The following ANKH variants were observed in gnomAD, a reference collection of about 807,000 sequenced individuals.
ANKH encodes ANKH inorganic pyrophosphate transport regulator.
A neutral mutation model predicts 49.0 loss-of-function variants in ANKH; 15 were observed. The observed-to-expected ratio is 0.31, with a 90% CI of 0.20 to 0.47. The LOEUF (loss-of-function observed/expected upper bound fraction) is 0.47, where lower values mean the gene tolerates loss of function less well. ANKH is among the 20% of genes least tolerant of loss of function. ANKH has a pLI of 1.00. For missense variants in ANKH, 429 were observed against 652.0 expected (o/e 0.66, Z 3.72); for synonymous variants, 273 against 260.0 (o/e 1.05, Z -0.48).
intron 1 of ANKH, among the ~76,000 whole-genome samples, chr5:14,850,439 A>T (rs1742091213): frequency 6.6e-6 from 1 of 152,258 alleles, no homozygotes; most frequent in Non-Finnish European, 1.5e-5. Flanking sequence ...AGCAAACTGC[A>T]TTTGAAAGCT....
At chr5:14,820,260 A>G (rs1279990017) in intron 1 of ANKH, among the ~76,000 whole-genome samples, 1 of 152,194 alleles carries the variant, frequency 6.6e-6, no homozygotes, top group East Asian at 1.9e-4. Flanking sequence ...TTCATGAATG[A>G]GATGAAATAA....
At position 14,713,115 on chromosome 5, in the gene ANKH, C is replaced by T. The variant is rs145726810; in HGVS notation, c.1266-142G>A. 3.5e-4 allele frequency: 285 copies of T among 825,956 alleles called. 1 individual carries two copies. In the African/African-American group the frequency reaches 4.1e-3, roughly 12 times the overall value. 51.2% of individuals were successfully genotyped at this position (825,956 alleles called of 1,614,324 possible). ...CTCCATCTGCTGGCTTCGTAAGGGC[C>T]GCAGCTAATAACCTAATGTGTGAGG... On this transcript the variant is annotated intron_variant, in intron 10 of 11. Transcript: ENST00000284268. This position sits in a 1 kb window ranked among gnomAD's most constrained non-coding sequence, Gnocchi z 4.4.
chr5:14,738,677 C>G (rs932531363), intron 8 of ANKH, among the ~76,000 whole-genome samples: 1 of 151,796 alleles, frequency 6.6e-6, no homozygotes, highest in Non-Finnish European at 1.5e-5. Context: ...GCCTCTAATC[C>G]CAGCATTTTA....
At chr5:14,833,507 G>A (rs967320638) in intron 1 of ANKH, among the ~76,000 whole-genome samples, 2 of 152,252 alleles carry the variant, frequency 1.3e-5, no homozygotes, top group South Asian at 4.1e-4. Context: ...CGAGATTCTC[G>A]CCTGCTCCTC....
At chr5:14,769,281 G>T in intron 1 of ANKH, 90 bp from the exon 2 acceptor site, 3 of 1,112,730 alleles carry the variant, frequency 2.7e-6, no homozygotes, top group Non-Finnish European at 4.0e-6. Flanking sequence ...AGCAGATCAC[G>T]TTTCTATAGA....
At chr5:14,819,347 T>C (rs143950791) in intron 1 of ANKH, among the ~76,000 whole-genome samples, 1 of 152,362 alleles carries the variant, frequency 6.6e-6, no homozygotes, top group Non-Finnish European at 1.5e-5. Flanking sequence ...TGTGGGACTA[T>C]ATTGCTGTAA....
In ANKH at chr5:14,802,522, G is replaced by A. The variant is rs922121045; in HGVS notation, c.97-33331C>T. ...CAGATGGAGGGACCTCTGAAGATGC[G>A]GCTCTGACCCTGTCTCTCCTCCACA... On this transcript the variant is annotated intron_variant, in intron 1 of 11. Coordinates refer to ENST00000284268, the MANE Select transcript of ANKH (RefSeq NM_054027.6). 1.1e-4 allele frequency among the ~76,000 whole-genome samples: 17 copies of A among 151,986 alleles called. 2 individuals are homozygous for A. The highest frequency in any genetic ancestry group is 1.1e-3 in the Admixed American group (17 of 15,242).
At chr5:14,796,309 A>T (rs1269864083) in intron 1 of ANKH, among the ~76,000 whole-genome samples, 4 of 147,292 alleles carry the variant, frequency 2.7e-5, no homozygotes, top group African/African-American at 1.1e-4. Context: ...ACAAACTCCT[A>T]AAAAAAAAGC....
Position 14,863,898 on chromosome 5 carries a change from C to T in ANKH, c.96+7454G>A, listed in dbSNP as rs538112459. 4.6e-5 allele frequency among the ~76,000 whole-genome samples: 7 copies of T among 152,284 alleles called. No homozygotes were observed. In the East Asian group the frequency reaches 5.8e-4, roughly 13 times the overall value. On this transcript the variant is annotated intron_variant, in intron 1 of 11. Transcript: ENST00000284268. ...TCATCTAAAAAGTGGTTCCCATAAA[C>T]GGTATCACACTGTACCCTTTAAAAA...
At chr5:14,783,963 C>T (rs916869510) in intron 1 of ANKH, among the ~76,000 whole-genome samples, 9 of 152,230 alleles carry the variant, frequency 5.9e-5, no homozygotes, top group South Asian at 2.1e-4. Flanking sequence ...TTCACCTACT[C>T]GGGTAAGGGG....
At chr5:14,855,171 G>T (rs1350620106) in intron 1 of ANKH, among the ~76,000 whole-genome samples, 1 of 152,078 alleles carries the variant, frequency 6.6e-6, no homozygotes, top group African/African-American at 2.4e-5. Context: ...TTCTCTTTAG[G>T]CCTCAGCTGG....
At chr5:14,721,589 A>G (rs1391675158) in intron 8 of ANKH, among the ~76,000 whole-genome samples, 2 of 152,228 alleles carry the variant, frequency 1.3e-5, no homozygotes, top group South Asian at 4.1e-4. Context: ...TCTTGCGTAT[A>G]TAACTTAGGT....
intron 1 of ANKH, among the ~76,000 whole-genome samples, chr5:14,863,688 C>T (rs1237817067): frequency 1.3e-5 from 2 of 152,020 alleles, no homozygotes; most frequent in Non-Finnish European, 2.9e-5. Flanking sequence ...AATGTAGACA[C>T]CACCCAAGTC....
chr5:14,791,606 A>G (rs1740168239), intron 1 of ANKH, among the ~76,000 whole-genome samples: 1 of 152,188 alleles, frequency 6.6e-6, no homozygotes, highest in Non-Finnish European at 1.5e-5. Flanking sequence ...TTGCCTAGTC[A>G]AAAGCTAAGC....
intron 8 of ANKH, chr5:14,724,656 T>C (rs1386445667): frequency 5.9e-6 from 5 of 842,678 alleles, no homozygotes; most frequent in Non-Finnish European, 7.1e-6. Flanking sequence ...GAGTGGGCCA[T>C]GCATGGTCCC....
At chr5:14,718,589 T>C (rs993260317) in intron 8 of ANKH, among the ~76,000 whole-genome samples, 3 of 152,090 alleles carry the variant, frequency 2.0e-5, no homozygotes, top group African/African-American at 7.2e-5. Flanking sequence ...GGCGGGCGGA[T>C]GACCTGATGT....
intron 1 of ANKH, among the ~76,000 whole-genome samples, chr5:14,853,311 C>T (rs1433259805): frequency 2.6e-5 from 4 of 152,146 alleles, no homozygotes; most frequent in African/African-American, 9.7e-5. Flanking sequence ...TGTGGTGGCT[C>T]ACGCCTGTAA....
At chr5:14,836,036 C>A (rs1331893606) in intron 1 of ANKH, among the ~76,000 whole-genome samples, 4 of 152,150 alleles carry the variant, frequency 2.6e-5, no homozygotes, top group African/African-American at 7.2e-5. Context: ...ATCTCCATAG[C>A]TGCAGAAAAG....
At chr5:14,848,654 T>C (rs1742038089) in intron 1 of ANKH, among the ~76,000 whole-genome samples, 1 of 152,202 alleles carries the variant, frequency 6.6e-6, no homozygotes. Context: ...GGGCTCGCCA[T>C]TGTTCCTGTG....
Sources: gnomAD v4.1 joint callset for allele counts (sites outside exome capture counted in the v4.1 genomes callset) on GRCh38, gnomAD v4.1.1 for gene constraint, Gnocchi (gnomAD v3.1) non-coding constraint, MANE v1.5 for transcripts, NCBI Gene and HGNC (gene_info 2026-07-23, HGNC 2026-07-21) for gene names.